EPSTI1: variants seen among roughly 807,000 people sequenced by gnomAD.
EPSTI1 encodes epithelial-stromal interaction protein 1.
A neutral mutation model predicts 49.9 loss-of-function variants in EPSTI1; 66 were observed. That is an observed-to-expected ratio of 1.32 (90% CI 1.08 to 1.62). The LOEUF is 1.62. Ranked by LOEUF, EPSTI1 falls within the 40% of genes most tolerant of loss-of-function variation. The pLI, the probability that EPSTI1 is intolerant of heterozygous loss-of-function variation, is 0.00. For missense variants in EPSTI1, 394 were observed against 365.5 expected, an observed-to-expected ratio of 1.08 and a Z score of -0.64; for synonymous variants, 137 against 130.7, an observed-to-expected ratio of 1.05 and a Z score of -0.33.
In EPSTI1 at chr13:42,963,248, T is replaced by A; in HGVS notation, c.489+7A>T. On this transcript the variant is annotated splice_region_variant and intron_variant, in intron 5 of 10. Transcript: ENST00000313624. ...AGCAAATGTGAACTAATCCTCCTCC[T>A]CCTTACCTTCTCTCTCTGAATTGCC... The A allele has an allele frequency of 6.2e-7, 1 of 1,610,062 alleles. No individual in the cohort carries two copies. Among genetic ancestry groups the A allele is most frequent in the Non-Finnish European group, 8.5e-7 (1 of 1,176,806 alleles).
At chr13:42,903,438 G>A (rs903437564) in intron 8 of EPSTI1, among the ~76,000 whole-genome samples, 3 of 152,136 alleles carry the variant, frequency 2.0e-5, no homozygotes, top group Non-Finnish European at 4.4e-5. Context: ...GGGAGGGAGA[G>A]CTAATGGATG....
chr13:42,982,349 C>A (rs756863559), intron 1 of EPSTI1, among the ~76,000 whole-genome samples: 43 of 152,316 alleles, frequency 2.8e-4, no homozygotes, highest in Non-Finnish European at 5.4e-4. Flanking sequence ...GAATAACCCA[C>A]CCCTTGTTTA....
intron 1 of EPSTI1, among the ~76,000 whole-genome samples, 193 bp downstream of exon 1, chr13:42,991,785 G>A (rs1332411567): frequency 4.6e-5 from 7 of 152,180 alleles, no homozygotes; most frequent in Admixed American, 4.6e-4. Context: ...ATTTACCAAA[G>A]GACTGCAAAC....
Position 42,888,129 on chromosome 13 carries a change from A to T in EPSTI1, c.*365T>A. 2.5e-6 allele frequency: 3 copies of T among 1,183,372 alleles called. No individual in the cohort carries two copies. The highest frequency in any genetic ancestry group is 3.5e-6 in the Non-Finnish European group (3 of 846,650). 73.3% of individuals were successfully genotyped at this position (1,183,372 alleles called of 1,614,324 possible). A position where few individuals can be genotyped will look rare whatever the true frequency, so the allele number is the denominator to read the frequency against. On this transcript the variant is annotated 3_prime_UTR_variant, in exon 11 of 11. Transcript: ENST00000313624. ...GCTTTCAAAACCTGATCTGAGAATT[A>T]GATAAGAATATGTCACTTAGAAAGA...
At chr13:42,931,738 T>C (rs1469274605) in intron 6 of EPSTI1, among the ~76,000 whole-genome samples, 1 of 152,186 alleles carries the variant, frequency 6.6e-6, no homozygotes, top group Admixed American at 6.5e-5. Context: ...ATCTTTGAGA[T>C]TTTTCCATAT....
At chr13:42,981,053 T>C (rs1182168656) in intron 1 of EPSTI1, among the ~76,000 whole-genome samples, 2 of 152,184 alleles carry the variant, frequency 1.3e-5, no homozygotes, top group Non-Finnish European at 2.9e-5. Context: ...GTTTTAATGA[T>C]GGTAAACATC....
intron 6 of EPSTI1, among the ~76,000 whole-genome samples, chr13:42,950,982 C>T (rs148562786): frequency 0.013 from 2,013 of 152,124 alleles, 45 homozygotes; most frequent in South Asian, 0.098. Flanking sequence ...CATGGTGAAA[C>T]CCTATCTCTA....
intron 6 of EPSTI1, among the ~76,000 whole-genome samples, chr13:42,929,385 A>G (rs1009612637): frequency 6.6e-6 from 1 of 152,178 alleles, no homozygotes; most frequent in African/African-American, 2.4e-5. Flanking sequence ...ACCCAATCAT[A>G]AAACTGTCCC....
intron 6 of EPSTI1, among the ~76,000 whole-genome samples, chr13:42,938,932 A>AAAAAAAAAAAAAAAAAAAAGAAAG (rs1566136910): frequency 6.7e-6 from 1 of 149,768 alleles, no homozygotes; most frequent in East Asian, 2.0e-4. Context: ...AAAAAAAAAA[A>AAAAAAAAAAAAAAAAAAAAGAAAG]TCTGTTGTTT....
intron 1 of EPSTI1, among the ~76,000 whole-genome samples, chr13:42,980,521 C>CT (rs755762245): frequency 9.8e-5 from 15 of 152,318 alleles, no homozygotes; most frequent in Admixed American, 2.0e-4. Context: ...AGGAACTGCC[C>CT]TTTATAAAAC....
rs2038859873 is a variant in EPSTI1 at position 42,944,480 on chromosome 13, G to A, written c.563+9468C>T. Among the ~76,000 whole-genome samples the A allele has an allele frequency of 2.6e-5, 4 of 152,220 alleles. No individual in the cohort carries two copies. The South Asian group carries it at 6.2e-4, about 24-fold the overall frequency. On this transcript the variant is annotated intron_variant, in intron 6 of 10. Coordinates refer to ENST00000313624, the MANE Select transcript of EPSTI1 (RefSeq NM_033255.5). ...TGGGAGTTGAACAACGAGAACACATGGACACAGGGAGGGGAACATCACACA... is the reference window on the plus strand; with the variant it reads ...TGGGAGTTGAACAACGAGAACACATAGACACAGGGAGGGGAACATCACACA...
intron 6 of EPSTI1, among the ~76,000 whole-genome samples, chr13:42,944,962 AATTG>A: frequency 6.6e-6 from 1 of 152,290 alleles, no homozygotes; most frequent in Non-Finnish European, 1.5e-5. Flanking sequence ...TTCTAGATAG[AATTG>A]ATTAAGACAC....
intron 5 of EPSTI1, among the ~76,000 whole-genome samples, chr13:42,958,569 C>T (rs1169525138): frequency 3.3e-5 from 5 of 151,966 alleles, no homozygotes; most frequent in Admixed American, 3.3e-4. Context: ...ATCCATGGTA[C>T]CAATGAGGAA....
At chr13:42,961,917 G>A (rs1190061363) in intron 5 of EPSTI1, among the ~76,000 whole-genome samples, 2 of 152,162 alleles carry the variant, frequency 1.3e-5, no homozygotes, top group African/African-American at 4.8e-5. Context: ...TGTGTTTGCT[G>A]TGCATTTTAA....
chr13:42,989,738 C>T (rs998607394), intron 1 of EPSTI1, among the ~76,000 whole-genome samples: 3 of 151,346 alleles, frequency 2.0e-5, no homozygotes, highest in East Asian at 1.9e-4. Context: ...GGACTACAGG[C>T]GCCTGCCACC....
rs367885246 is a variant in EPSTI1, at chr13:42,969,184, C to T, written c.248-7G>A. Reference sequence around the variant, plus strand: ...GCCAGCTCCTGCTCCGCAACTAAGCCAGGCGAGAAATATCAAATCGTCAAT... The same window carrying T: ...GCCAGCTCCTGCTCCGCAACTAAGCTAGGCGAGAAATATCAAATCGTCAAT... On this transcript the variant is annotated splice_region_variant and splice_polypyrimidine_tract_variant and intron_variant, in intron 2 of 10. Transcript: ENST00000313624. 1.2e-6 allele frequency: 2 copies of T among 1,613,428 alleles called. No homozygotes were observed. The highest frequency in any genetic ancestry group is 2.7e-5 in the African/African-American group (2 of 74,918).
chr13:42,991,578 C>A lies in EPSTI1; in HGVS notation c.188+400G>T, dbSNP rs576163049. Among the ~76,000 whole-genome samples the A allele has an allele frequency of 1.0e-3, 158 of 152,342 alleles. 1 individual carries two copies. Among genetic ancestry groups the A allele is most frequent in the African/African-American group, 3.6e-3 (148 of 41,572 alleles). ...GGGATAACAGGCTTGAGCCAACGCGCCTGGCCCAGCACCAAATTTTTAAAA... is the reference window on the plus strand; with the variant it reads ...GGGATAACAGGCTTGAGCCAACGCGACTGGCCCAGCACCAAATTTTTAAAA... On this transcript the variant is annotated intron_variant, in intron 1 of 10. Transcript: ENST00000313624.
chr13:42,971,612 G>T (rs539519550), intron 1 of EPSTI1, among the ~76,000 whole-genome samples: 2 of 92,436 alleles, frequency 2.2e-5, no homozygotes, highest in East Asian at 9.4e-4. Flanking sequence ...GGATTTAAGA[G>T]GGAGGGAAAA....
intron 8 of EPSTI1, among the ~76,000 whole-genome samples, chr13:42,901,887 G>A (rs987431415): frequency 3.3e-5 from 5 of 151,892 alleles, no homozygotes; most frequent in Non-Finnish European, 5.9e-5. Flanking sequence ...TCTAGCATTA[G>A]GTATATCTCC....
Sources: gnomAD v4.1 joint callset for allele counts (sites outside exome capture counted in the v4.1 genomes callset) on GRCh38, gnomAD v4.1.1 for gene constraint, MANE v1.5 for transcripts, NCBI Gene and HGNC (gene_info 2026-07-23, HGNC 2026-07-21) for gene names.